The following POMGNT1 variants were observed in gnomAD, a reference collection of about 807,000 sequenced individuals.
POMGNT1 encodes the protein protein O-linked-mannose beta-1,2-N-acetylglucosaminyltransferase 1.
In POMGNT1, 67 loss-of-function variants were observed where a neutral mutation model predicts 95.6. The ratio of observed to expected loss-of-function variants is 0.70; its 90% confidence interval spans 0.58 to 0.86. The LOEUF is 0.86. POMGNT1 is among the 40% of genes least tolerant of loss of function. The pLI is 0.00. For missense variants in POMGNT1, 719 were observed against 855.2 expected, an observed-to-expected ratio of 0.84 and a Z score of 1.99; for synonymous variants, 298 against 317.9, an observed-to-expected ratio of 0.94 and a Z score of 0.66.
chr1:46,209,592 T>C (rs2148241897), intron 1 of POMGNT1, among the ~76,000 whole-genome samples: 1 of 149,462 alleles, frequency 6.7e-6, no homozygotes, highest in African/African-American at 2.5e-5. Flanking sequence ...TTGCCCAGGC[T>C]AGAGTGCAGT....
chr1:46,210,168 T>A (rs897294034), intron 1 of POMGNT1, among the ~76,000 whole-genome samples: 2 of 152,206 alleles, frequency 1.3e-5, no homozygotes, highest in African/African-American at 4.8e-5. Context: ...ATTTGTTCAA[T>A]TGAATTAGAG....
At chr1:46,207,149 C>T (rs530979959) in intron 1 of POMGNT1, among the ~76,000 whole-genome samples, 35 of 151,888 alleles carry the variant, frequency 2.3e-4, no homozygotes, top group African/African-American at 5.3e-4. Flanking sequence ...GGTACAATGT[C>T]GGTTCACTGC....
intron 1 of POMGNT1, among the ~76,000 whole-genome samples, chr1:46,210,499 T>G (rs1658858876): frequency 6.6e-6 from 1 of 152,156 alleles, no homozygotes; most frequent in Non-Finnish European, 1.5e-5. Flanking sequence ...CTTCAGACAC[T>G]AGTCGTAAAT....
intron 1 of POMGNT1, among the ~76,000 whole-genome samples, chr1:46,207,706 T>C (rs1658764229): frequency 6.6e-6 from 1 of 150,906 alleles, no homozygotes; most frequent in African/African-American, 2.4e-5. Flanking sequence ...ACCCAGCTAA[T>C]TTTTTGTATT....
chr1:46,193,211 T>G lies in POMGNT1; in HGVS notation c.1115A>C (p.Tyr372Ser). The change falls in exon 13 of 22, where the codon TAC becomes TCC. Residue 372 changes from tyrosine (Y) to serine (S), a missense_variant. Transcript: ENST00000371984. ...SIKNARVSQH[Y>S]KASLTATFNL... ...GAAAGTGGCAGTGAGGCTGGCCTTG[T>G]AGTGCTGGGAGTGGGGTGGGAATAG... 2 of 1,614,200 alleles carry G rather than the reference T, an allele frequency of 1.2e-6. No homozygotes were observed. The highest frequency in any genetic ancestry group is 1.7e-6 in the Non-Finnish European group (2 of 1,180,026).
At chr1:46,193,779 C>G (rs1657986446) in intron 10 of POMGNT1, 76 bp downstream of exon 10, 2 of 1,603,004 alleles carry the variant, frequency 1.2e-6, no homozygotes, top group Admixed American at 3.5e-5. Context: ...CTGCCCACCT[C>G]AAGAGTTCCT....
chr1:46,214,867 CAA>C (rs5773905), intron 1 of POMGNT1, among the ~76,000 whole-genome samples: 8 of 89,514 alleles, frequency 8.9e-5, no homozygotes, highest in African/African-American at 3.9e-4. Context: ...GACTCCATCT[CAA>C]AAAAAAAAAA....
chr1:46,208,660 T>G (rs1262618863), intron 1 of POMGNT1, among the ~76,000 whole-genome samples: 2 of 151,980 alleles, frequency 1.3e-5, no homozygotes, highest in African/African-American at 4.8e-5. Flanking sequence ...CTGACCAACA[T>G]GGTGAAACCC....
In POMGNT1 at chr1:46,197,037, C is replaced by T. The variant is rs539988776; in HGVS notation, c.168G>A (p.Lys56=). Residue 56 remains lysine, a synonymous_variant, in exon 3 of 22, where the codon AAG becomes AAA. Transcript: ENST00000371984. Reference sequence around the variant, plus strand: ...TGGCTCGCCGAGTGTCCAGGATCAACTTGATATTGACAATGACAGTCACCA... The same window carrying T: ...TGGCTCGCCGAGTGTCCAGGATCAATTTGATATTGACAATGACAGTCACCA... ...FLLVTVIVNI[K]LILDTRRAIS... 2 of 1,614,204 alleles carry T rather than the reference C, an allele frequency of 1.2e-6. No individual in the cohort carries two copies. The highest frequency in any genetic ancestry group is 2.7e-5 in the African/African-American group (2 of 75,062).
chr1:46,194,509 C>T (rs1658058170), intron 8 of POMGNT1, 44 bp downstream of exon 8: 2 of 1,614,026 alleles, frequency 1.2e-6, no homozygotes, highest in African/African-American at 2.7e-5. Flanking sequence ...TAAATGCCCA[C>T]CCCCAGCCCA....
rs1657710671 is a variant in POMGNT1, at chr1:46,190,851, G to C, written c.1540-67C>G. 3 of 1,421,942 alleles carry C rather than the reference G, an allele frequency of 2.1e-6. No individual in the cohort carries two copies. The South Asian group carries it at 3.5e-5, about 16-fold the overall frequency. The allele number at this position is 1,421,942 out of a possible 1,614,324, so 88.1% of individuals were successfully genotyped here. A position where few individuals can be genotyped will look rare whatever the true frequency, so the allele number is the denominator to read the frequency against. ...CTGGCCCACACCCACTTGCTGACCA[G>C]CCAGACATCTATAAGACACACAAAT... On this transcript the variant is annotated intron_variant, in intron 17 of 21. Coordinates refer to ENST00000371984, the MANE Select transcript of POMGNT1 (RefSeq NM_017739.4).
At position 46,194,416 on chromosome 1, in the gene POMGNT1, C is replaced by T. The variant is rs368317059; in HGVS notation, c.752-15G>A. 105 of 1,614,138 alleles carry T rather than the reference C, an allele frequency of 6.5e-5. No homozygotes were observed. Among genetic ancestry groups the T allele is most frequent in the East Asian group, 1.8e-4 (8 of 44,886 alleles). ...GCACTCTGCCTCTGAGGGAAGGATG[C>T]GGTTGTCATGGAGGCATGGGGCCAG... On this transcript the variant is annotated splice_polypyrimidine_tract_variant and intron_variant, in intron 8 of 21. Transcript: ENST00000371984.
intron 19 of POMGNT1, 140 bp downstream of exon 19, chr1:46,190,333 C>G (rs758594361): frequency 8.5e-7 from 1 of 1,170,348 alleles, no homozygotes; most frequent in Non-Finnish European, 1.3e-6. Flanking sequence ...CGTGAGCCAC[C>G]GCGCCCGGCC....
rs1658310474 is a variant in POMGNT1, at chr1:46,197,103, A to G, written c.121-19T>C. On this transcript the variant is annotated intron_variant, in intron 2 of 21. Coordinates refer to ENST00000371984, the MANE Select transcript of POMGNT1 (RefSeq NM_017739.4). ...CCCCTGTCTGAGGGGAGGGGTAGGG[A>G]TGATTAAGAGGAGCACCTCCTTCAG... 2 of 1,613,928 alleles carry G rather than the reference A, an allele frequency of 1.2e-6. No individual in the cohort carries two copies. The highest frequency in any genetic ancestry group is 3.3e-5 in the Admixed American group (2 of 59,990).
In POMGNT1 at chr1:46,196,619, C is replaced by T; in HGVS notation, c.354+112G>A. On this transcript the variant is annotated intron_variant, in intron 4 of 21. Transcript: ENST00000371984. This position sits in a 1 kb window ranked among gnomAD's most constrained non-coding sequence, Gnocchi z 4.4. ...AGGAATCGAGGACTCCAAAGTCACACAGCTAGAAACTGGCAGAGTTGCAGT... is the reference window on the plus strand; with the variant it reads ...AGGAATCGAGGACTCCAAAGTCACATAGCTAGAAACTGGCAGAGTTGCAGT... The T allele has an allele frequency of 3.8e-6, 6 of 1,595,120 alleles. No homozygotes were observed. Among genetic ancestry groups the T allele is most frequent in the Non-Finnish European group, 5.1e-6 (6 of 1,174,068 alleles).
chr1:46,191,927 C>A (rs1657800211), intron 17 of POMGNT1, 171 bp downstream of exon 17: 27 of 1,142,148 alleles, frequency 2.4e-5, no homozygotes, highest in South Asian at 2.4e-4. Flanking sequence ...AGCCACCGCG[C>A]CCAGCCCTTT....
In POMGNT1 at chr1:46,192,199, G is replaced by A. The variant is rs1011150724; in HGVS notation, c.1438C>T (p.Arg480Trp). The A allele has an allele frequency of 6.8e-6, 11 of 1,614,078 alleles. No homozygotes were observed. Among genetic ancestry groups the A allele is most frequent in the Admixed American group, 1.7e-5 (1 of 59,998 alleles). The change falls in exon 17 of 22, where the codon CGG becomes TGG. Residue 480 changes from arginine (R) to tryptophan (W), a missense_variant. Arg to Trp is a moderately radical substitution (Grantham distance 101). This residue lies in a region of POMGNT1 where 118 missense variants were observed against 153.6 expected (regional missense o/e 0.77). Coordinates refer to ENST00000371984, the MANE Select transcript of POMGNT1 (RefSeq NM_017739.4). ...CGGCCCCGGCGTTGTTCAGGCATCCGCATCCACATGTCCCAATCCCAGAGC... is the reference window on the plus strand; with the variant it reads ...CGGCCCCGGCGTTGTTCAGGCATCCACATCCACATGTCCCAATCCCAGAGC... ...EKLWDWDMWM[R>W]MPEQRRGREC...
chr1:46,194,274 TG>T lies in POMGNT1; in HGVS notation c.878del (p.Pro293HisfsTer40), dbSNP rs752389406. ...DPTPIEFSPD[P>X]LPDNKVLNVP... ...CTCACTGTCTTAAGGCCCCACTCACTGGGTCAGGGCTGAACTCGATGGGTGT... is the reference window on the plus strand; with the variant it reads ...CTCACTGTCTTAAGGCCCCACTCACTGGTCAGGGCTGAACTCGATGGGTGT... On this transcript the variant is annotated frameshift_variant and splice_region_variant, in exon 9 of 22. Transcript: ENST00000371984. LOFTEE classifies it high-confidence loss of function. 3 of 1,614,178 alleles carry T rather than the reference TG, an allele frequency of 1.9e-6. No individual in the cohort carries two copies. The South Asian group carries it at 3.3e-5, about 18-fold the overall frequency.
rs138745073 is a variant in POMGNT1, at chr1:46,193,580, A to T, written c.1010T>A (p.Ile337Asn). The T allele has an allele frequency of 6.2e-7, 1 of 1,614,202 alleles. No homozygotes were observed. The highest frequency in any genetic ancestry group is 8.5e-7 in the Non-Finnish European group (1 of 1,180,026). ...CCTGCTCACCTCATAGTAGCCGTCA[A>T]TGAAAACTGTTATCATCTGAGGAGA... is the stretch of plus-strand genomic sequence containing the variant. ...GVSPQMITVF[I>N]DGYYEEPMDV... is the part of the protein sequence containing the mutation. The change falls in exon 11 of 22, where the codon ATT (isoleucine) becomes AAT (asparagine). Residue 337 changes from isoleucine to asparagine, a missense_variant. By Grantham distance (149) the Ile-to-Asn change is moderately radical. Coordinates refer to ENST00000371984, the MANE Select transcript of POMGNT1 (RefSeq NM_017739.4).
Sources: allele counts gnomAD v4.1 joint callset (sites outside exome capture counted in the v4.1 genomes callset), GRCh38; gene constraint gnomAD v4.1.1; regional missense constraint gnomAD v4.1.1; non-coding constraint Gnocchi (gnomAD v3.1); transcripts MANE v1.5; gene names NCBI Gene and HGNC (gene_info 2026-07-23, HGNC 2026-07-21).